Variants in CDON observed in about 807,000 individuals in gnomAD.
CDON encodes the protein cell adhesion molecule-related/down-regulated by oncogenes.
A neutral mutation model predicts 120.9 loss-of-function variants in CDON; 73 were observed. The observed-to-expected ratio is 0.60, with a 90% confidence interval of 0.50 to 0.73. The LOEUF (loss-of-function observed/expected upper bound fraction) is 0.73, where lower values mean the gene tolerates loss of function less well. Ranked by LOEUF, CDON falls within the 30% of genes least tolerant of loss-of-function variation. CDON has a pLI of 0.00. For synonymous variants in CDON, 566 were observed against 573.5 expected, an observed-to-expected ratio of 0.99 and a Z score of 0.19; for missense variants, 1,470 against 1,587.3, an observed-to-expected ratio of 0.93 and a Z score of 1.26.
chr11:126,040,764 G>A (rs1447881105), intron 1 of CDON, among the ~76,000 whole-genome samples: 6 of 134,908 alleles, frequency 4.4e-5, no homozygotes, highest in African/African-American at 1.1e-4. Flanking sequence ...GCAGTGAGCC[G>A]AGATGGTGCC....
intron 14 of CDON, among the ~76,000 whole-genome samples, chr11:125,992,208 C>G (rs1333807451): frequency 6.6e-6 from 1 of 152,096 alleles, no homozygotes; most frequent in African/African-American, 2.4e-5. Flanking sequence ...AAAAGGAAGA[C>G]CTAGACAGGC....
At position 125,994,933 on chromosome 11, in the gene CDON, T is replaced by A. The variant is rs1326959746; in HGVS notation, c.2482A>T (p.Thr828Ser). The A allele has an allele frequency of 6.2e-7, 1 of 1,613,996 alleles. No individual in the cohort carries two copies. The highest frequency in any genetic ancestry group is 1.3e-5 in the African/African-American group (1 of 74,908). ...FPNRFSSRPI[T>S]GPHIAYTEAV... ...TCTGTGTATGCAATGTGAGGTCCAG[T>A]TATTGGACGGCTGGAAAAGCGATTG... The change falls in exon 13 of 20, where the codon ACT (threonine) becomes TCT (serine). Residue 828 changes from threonine (T) to serine (S), a missense_variant. By Grantham distance (58) the Thr-to-Ser change is moderately conservative. Coordinates refer to ENST00000531738, the MANE Select transcript of CDON (RefSeq NM_001378964.1).
intron 1 of CDON, among the ~76,000 whole-genome samples, chr11:126,027,586 A>G (rs1947826873): frequency 6.6e-6 from 1 of 152,228 alleles, no homozygotes; most frequent in Non-Finnish European, 1.5e-5. Context: ...ATTTTGTTTG[A>G]CAAAGTTTAC....
intron 16 of CDON, among the ~76,000 whole-genome samples, chr11:125,981,851 C>A (rs1946310820): frequency 1.3e-5 from 2 of 151,774 alleles, no homozygotes; most frequent in Admixed American, 6.6e-5. Flanking sequence ...CAATAAACAA[C>A]TCTGTTAAGT....
intron 1 of CDON, among the ~76,000 whole-genome samples, chr11:126,029,673 G>C (rs927192422): frequency 5.9e-5 from 9 of 151,988 alleles, no homozygotes; most frequent in Non-Finnish European, 1.2e-4. Context: ...CGGGCTCATC[G>C]AACCCAGTGG....
At chr11:126,037,905 C>A (rs1283521809) in intron 1 of CDON, among the ~76,000 whole-genome samples, 4 of 152,042 alleles carry the variant, frequency 2.6e-5, no homozygotes, top group Non-Finnish European at 5.9e-5. Flanking sequence ...AAAAAACACA[C>A]AAACACTTAA....
At chr11:125,998,063 T>C (rs1282080462) in intron 11 of CDON, among the ~76,000 whole-genome samples, 1 of 151,974 alleles carries the variant, frequency 6.6e-6, no homozygotes, top group Non-Finnish European at 1.5e-5. Context: ...CGTGAACATG[T>C]AGAAAAGGGG....
At chr11:125,991,965 CAA>C (rs1325919742) in intron 14 of CDON, among the ~76,000 whole-genome samples, 1 of 151,830 alleles carries the variant, frequency 6.6e-6, no homozygotes, top group Non-Finnish European at 1.5e-5. Context: ...TGTAAAAGCT[CAA>C]AGATTTGACT....
At chr11:125,992,433 G>T (rs1237799086) in intron 14 of CDON, among the ~76,000 whole-genome samples, 2 of 152,118 alleles carry the variant, frequency 1.3e-5, no homozygotes, top group Non-Finnish European at 2.9e-5. Flanking sequence ...TCACAAGCTG[G>T]ACATGCTCAT....
chr11:125,995,030 G>A lies in CDON; in HGVS notation c.2385C>T (p.Val795=). 6.2e-7 allele frequency: 1 copy of A among 1,614,020 alleles called. No homozygotes were observed. The highest frequency in any genetic ancestry group is 8.5e-7 in the Non-Finnish European group (1 of 1,179,912). ...TCTCACCATAATGGTTGATGGCAAT[G>A]ACCCTAAATTTGTATGTTGAACCTT... ...LEPGSTYKFR[V]IAINHYGESF... is the part of the protein sequence containing the mutation. The change falls in exon 13 of 20, where the codon GTC becomes GTT. Residue 795 remains valine (V), a synonymous_variant. Transcript: ENST00000531738.
intron 18 of CDON, among the ~76,000 whole-genome samples, chr11:125,975,214 AT>A (rs1469015971): frequency 3.9e-5 from 6 of 152,190 alleles, no homozygotes; most frequent in Non-Finnish European, 8.8e-5. Flanking sequence ...AGACATAGAG[AT>A]TTTTTTCTAT....
rs1947256690 is a variant in CDON at position 126,010,368 on chromosome 11, T to C, written c.1525A>G (p.Thr509Ala). 1 of 1,612,606 alleles carries C rather than the reference T, an allele frequency of 6.2e-7. No individual in the cohort carries two copies. The highest frequency in any genetic ancestry group is 8.5e-7 in the Non-Finnish European group (1 of 1,179,420). ...ACCATGAGAGATGCTTCTGCCTGTGTGGTACCATGTTCATTTGCAGCTTCG... is the reference window on the plus strand; with the variant it reads ...ACCATGAGAGATGCTTCTGCCTGTGCGGTACCATGTTCATTTGCAGCTTCG... ...ICEAANEHGT[T>A]QAEASLMVVP... Residue 509 changes from threonine to alanine, a missense_variant, in exon 8 of 20, where the codon ACA becomes GCA. Coordinates refer to ENST00000531738, the MANE Select transcript of CDON (RefSeq NM_001378964.1).
chr11:125,981,454 T>A (rs1946299848), intron 16 of CDON, 125 bp from the exon 17 acceptor site: 2 of 978,566 alleles, frequency 2.0e-6, no homozygotes, highest in Non-Finnish European at 3.1e-6. Flanking sequence ...AGTAAGACAC[T>A]AAAAAGGACA....
intron 18 of CDON, among the ~76,000 whole-genome samples, chr11:125,975,563 G>A (rs1946128311): frequency 1.3e-5 from 2 of 152,062 alleles, no homozygotes; most frequent in South Asian, 2.1e-4. Flanking sequence ...CTTCACAGCC[G>A]ATCAAATTAT....
intron 1 of CDON, among the ~76,000 whole-genome samples, chr11:126,060,914 A>G (rs982632852): frequency 3.3e-5 from 5 of 152,232 alleles, no homozygotes; most frequent in African/African-American, 1.2e-4. Flanking sequence ...TCCAAGTCCT[A>G]AGGGTTCTTT....
intron 4 of CDON, 73 bp downstream of exon 4, chr11:126,019,546 C>T: frequency 6.5e-7 from 1 of 1,532,430 alleles, no homozygotes; most frequent in Non-Finnish European, 9.0e-7. Flanking sequence ...CCCTAGCACA[C>T]AGAGCTTAGA....
intron 18 of CDON, among the ~76,000 whole-genome samples, chr11:125,966,945 T>C (rs1052576597): frequency 4.7e-5 from 7 of 150,420 alleles, no homozygotes; most frequent in African/African-American, 1.7e-4. Flanking sequence ...GCTGGGAAAA[T>C]CTGTCACCTT....
At chr11:126,041,609 A>C (rs1591421839) in intron 1 of CDON, among the ~76,000 whole-genome samples, 1 of 152,242 alleles carries the variant, frequency 6.6e-6, no homozygotes, top group East Asian at 1.9e-4. Flanking sequence ...AAATAGGATA[A>C]CTTCTTAGGA....
At chr11:126,004,137 G>A (rs530995401) in intron 9 of CDON, 61 bp from the exon 10 acceptor site, 116 of 1,521,166 alleles carry the variant, frequency 7.6e-5, no homozygotes, top group East Asian at 1.9e-4. Context: ...GAAATCTTTC[G>A]GTCACATTTG....
Sources: allele counts gnomAD v4.1 joint callset (sites outside exome capture counted in the v4.1 genomes callset), GRCh38; gene constraint gnomAD v4.1.1; transcripts MANE v1.5; gene names NCBI Gene and HGNC (gene_info 2026-07-23, HGNC 2026-07-21).